The following ATP8B4 variants were observed in gnomAD, a reference collection of about 807,000 sequenced individuals.
ATP8B4 encodes the protein probable phospholipid-transporting ATPase IM.
Under a neutral mutation model 145.6 loss-of-function variants are expected in ATP8B4, and 133 were observed. The ratio of observed to expected loss-of-function variants is 0.91; its 90% CI spans 0.79 to 1.05. The LOEUF (loss-of-function observed/expected upper bound fraction) is 1.05, where lower values mean the gene tolerates loss of function less well. ATP8B4 is among the 50% of genes least tolerant of loss of function. The probability of loss-of-function intolerance (pLI) is 0.00; values close to 1 mark genes in which losing one functional copy is unlikely to be tolerated. For missense variants in ATP8B4, 1,458 were observed against 1,425.2 expected (o/e 1.02, Z -0.37); for synonymous variants, 507 against 492.9 (o/e 1.03, Z -0.38).
intron 2 of ATP8B4, among the ~76,000 whole-genome samples, chr15:50,083,058 G>C (rs767024325): frequency 3.3e-5 from 5 of 152,216 alleles, no homozygotes; most frequent in East Asian, 1.9e-4. Context: ...CAAAGAGAGG[G>C]GGAAGAGCCC....
intron 1 of ATP8B4, among the ~76,000 whole-genome samples, chr15:50,144,923 G>T (rs1281776344): frequency 2.0e-5 from 3 of 152,126 alleles, no homozygotes; most frequent in African/African-American, 7.2e-5. Flanking sequence ...TATGGAAGCA[G>T]TTGCTTCCAT....
intron 14 of ATP8B4, among the ~76,000 whole-genome samples, chr15:49,947,367 G>T (rs887003313): frequency 6.8e-6 from 1 of 146,720 alleles, no homozygotes; most frequent in African/African-American, 2.5e-5. Context: ...GGAGGCAGAG[G>T]TTGCAAGTGA....
In ATP8B4 at chr15:49,989,019, C is replaced by T. The variant is rs373803579; in HGVS notation, c.590-1470G>A. Among the ~76,000 whole-genome samples the T allele has an allele frequency of 2.5e-4, 38 of 152,316 alleles. 1 individual carries two copies. In the East Asian group the frequency reaches 4.8e-3, roughly 19 times the overall value. On this transcript the variant is annotated intron_variant, in intron 9 of 27. Transcript: ENST00000284509. ...AAAAGTACTGCCTGAAGCCTCCCCA[C>T]TTAGGCACTCACTGGCAGTTTCCCA...
intron 10 of ATP8B4, among the ~76,000 whole-genome samples, chr15:49,985,289 G>A (rs1016762249): frequency 1.3e-5 from 2 of 151,932 alleles, no homozygotes; most frequent in Non-Finnish European, 2.9e-5. Flanking sequence ...GTAGAGATGG[G>A]GTTTCACCAT....
intron 23 of ATP8B4, chr15:49,880,487 C>T (rs1194747155): frequency 2.0e-5 from 3 of 152,098 alleles, no homozygotes; most frequent in African/African-American, 4.8e-5. Flanking sequence ...GAAGAACAAT[C>T]CTATGTAACT....
At chr15:50,099,813 C>T (rs532454501) in intron 2 of ATP8B4, among the ~76,000 whole-genome samples, 4 of 151,990 alleles carry the variant, frequency 2.6e-5, no homozygotes, top group East Asian at 1.9e-4. Flanking sequence ...CCGAGGCGGG[C>T]AGATCACCTG....
intron 1 of ATP8B4, among the ~76,000 whole-genome samples, chr15:50,169,552 C>A (rs540443062): frequency 5.9e-5 from 9 of 152,330 alleles, no homozygotes; most frequent in Middle Eastern, 3.4e-3. Flanking sequence ...TAGACCTTCC[C>A]TCTGACAGAG....
At chr15:49,919,049 T>A in intron 18 of ATP8B4, 99 bp from the exon 19 acceptor site, 1 of 851,640 alleles carries the variant, frequency 1.2e-6, no homozygotes. Flanking sequence ...CAAAGAATAT[T>A]AATTGAAGAC....
At chr15:49,912,427 G>A (rs2039326083) in intron 20 of ATP8B4, among the ~76,000 whole-genome samples, 1 of 152,058 alleles carries the variant, frequency 6.6e-6, no homozygotes, top group Admixed American at 6.5e-5. Flanking sequence ...TAGAGGAAAT[G>A]GATAAATTTC....
intron 9 of ATP8B4, among the ~76,000 whole-genome samples, chr15:49,995,230 T>A (rs370686479): frequency 5.9e-5 from 9 of 152,304 alleles, no homozygotes; most frequent in African/African-American, 1.9e-4. Flanking sequence ...CGTAGATCAA[T>A]AGAGGTATAA....
In ATP8B4 at chr15:50,057,892, A is replaced by AT. The variant is rs201425063; in HGVS notation, c.88-10429dup. On this transcript the variant is annotated intron_variant, in intron 3 of 27. Transcript: ENST00000284509. The stretch of plus-strand genomic sequence containing the variant: ...CTCTGAGATTAATTTAATCACACTA[A>AT]TTTTTTTTTCTCCAGGGTGTTTAGA... Among the ~76,000 whole-genome samples the AT allele has an allele frequency of 5.5e-3, 828 of 151,794 alleles. 17 individuals are homozygous for AT. The highest frequency in any genetic ancestry group is 0.019 in the African/African-American group (781 of 41,384).
intron 6 of ATP8B4, among the ~76,000 whole-genome samples, chr15:50,029,355 A>T (rs530766913): frequency 6.6e-6 from 1 of 152,170 alleles, no homozygotes; most frequent in Non-Finnish European, 1.5e-5. Context: ...GGAGACTCTA[A>T]GGGAGAATCT....
chr15:50,145,665 T>C (rs4775856), intron 1 of ATP8B4, among the ~76,000 whole-genome samples: 150,540 of 152,294 alleles, frequency 0.99, 74,424 homozygotes, highest in East Asian at 1. Context: ...TCTCACCATG[T>C]CTTTTTTTCT....
At chr15:49,886,896 G>A (rs186519573) in intron 23 of ATP8B4, among the ~76,000 whole-genome samples, 21 of 151,642 alleles carry the variant, frequency 1.4e-4, no homozygotes, top group Admixed American at 2.6e-4. Flanking sequence ...TGCAGCCTCT[G>A]CCCCCTGGGT....
intron 26 of ATP8B4, among the ~76,000 whole-genome samples, chr15:49,864,832 T>C (rs2032502266): frequency 6.6e-6 from 1 of 152,218 alleles, no homozygotes; most frequent in Admixed American, 6.5e-5. Flanking sequence ...ATATGTATTA[T>C]TTCATTTAAT....
chr15:50,174,299 T>G (rs1267415350), intron 1 of ATP8B4, among the ~76,000 whole-genome samples: 1 of 152,032 alleles, frequency 6.6e-6, no homozygotes, highest in Non-Finnish European at 1.5e-5. Flanking sequence ...GCCAGAGTAA[T>G]CAGACGAGAG....
In ATP8B4 at chr15:49,879,462, G is replaced by A; in HGVS notation, c.2698-3C>T. On this transcript the variant is annotated splice_region_variant and splice_polypyrimidine_tract_variant and intron_variant, in intron 23 of 27. Transcript: ENST00000284509. Reference sequence around the variant, plus strand: ...ATGAACCACTGGTCATAAACAGTCTGAAAAGAAATATAACATATAAGTGAG... The same window carrying A: ...ATGAACCACTGGTCATAAACAGTCTAAAAAGAAATATAACATATAAGTGAG... 6.3e-7 allele frequency: 1 copy of A among 1,593,622 alleles called. No homozygotes were observed.
At chr15:50,116,962 A>T (rs1486155084) in intron 1 of ATP8B4, among the ~76,000 whole-genome samples, 1 of 152,154 alleles carries the variant, frequency 6.6e-6, no homozygotes, top group African/African-American at 2.4e-5. Flanking sequence ...TTCATGAGAG[A>T]TTCTAAAAAT....
intron 2 of ATP8B4, among the ~76,000 whole-genome samples, chr15:50,087,062 TAATAA>T (rs1454160546): frequency 2.6e-5 from 3 of 116,994 alleles, no homozygotes; most frequent in African/African-American, 1.1e-4. Context: ...TTATTATATA[TAATAA>T]AATAATATAG....
Sources: gnomAD v4.1 joint callset for allele counts (sites outside exome capture counted in the v4.1 genomes callset) on GRCh38, gnomAD v4.1.1 for gene constraint, MANE v1.5 for transcripts, NCBI Gene and HGNC (gene_info 2026-07-23, HGNC 2026-07-21) for gene names.